Variants in SPOCK3 observed in about 807,000 individuals in gnomAD.
The protein encoded by SPOCK3 is testican-3.
SPOCK3 carries 30 observed loss-of-function variants against 56.6 expected under a neutral mutation model. That is an observed-to-expected ratio of 0.53 (90% CI 0.40 to 0.72). The LOEUF is 0.72. Among genes scored for constraint, SPOCK3 ranks in the 30% least tolerant of loss-of-function variants. The pLI is 0.00. For missense variants in SPOCK3, 527 were observed against 530.0 expected, an observed-to-expected ratio of 0.99 and a Z score of 0.06; for synonymous variants, 196 against 183.3, an observed-to-expected ratio of 1.07 and a Z score of -0.56.
chr4:166,903,511 C>T (rs894706993), intron 5 of SPOCK3, among the ~76,000 whole-genome samples: 4 of 151,930 alleles, frequency 2.6e-5, no homozygotes, highest in African/African-American at 7.2e-5. Flanking sequence ...AAATATTTCC[C>T]GCTTTCTTTT....
At chr4:167,076,461 T>C (rs1420586391) in intron 2 of SPOCK3, among the ~76,000 whole-genome samples, 2 of 151,102 alleles carry the variant, frequency 1.3e-5, no homozygotes, top group African/African-American at 2.4e-5. Flanking sequence ...AAAACTGTTC[T>C]AAAAAAAAGA....
intron 2 of SPOCK3, among the ~76,000 whole-genome samples, chr4:167,208,917 C>G (rs1734603391): frequency 6.6e-6 from 1 of 152,050 alleles, no homozygotes; most frequent in Non-Finnish European, 1.5e-5. Flanking sequence ...TGTTTGCAAT[C>G]ACTCTTTTCA....
intron 4 of SPOCK3, among the ~76,000 whole-genome samples, chr4:166,920,933 G>A (rs561828189): frequency 6.0e-4 from 92 of 152,226 alleles, no homozygotes; most frequent in African/African-American, 1.9e-3. Flanking sequence ...TAAGTAAACC[G>A]TCATTAAGGA....
chr4:166,775,473 T>G (rs1479395988), intron 7 of SPOCK3, among the ~76,000 whole-genome samples: 2 of 152,116 alleles, frequency 1.3e-5, no homozygotes, highest in Admixed American at 1.3e-4. Context: ...AAGTTTGAAA[T>G]GCCTGTTGAA....
intron 3 of SPOCK3, among the ~76,000 whole-genome samples, chr4:167,007,623 G>A (rs1478431219): frequency 6.6e-6 from 1 of 152,048 alleles, no homozygotes; most frequent in East Asian, 1.9e-4. Flanking sequence ...ATAAAACAAG[G>A]TCATTGCCCT....
chr4:167,015,638 G>C (rs1035350100), intron 3 of SPOCK3, among the ~76,000 whole-genome samples: 2 of 151,968 alleles, frequency 1.3e-5, no homozygotes, highest in African/African-American at 4.8e-5. Flanking sequence ...AATTAATATC[G>C]CTGCTTACAA....
intron 4 of SPOCK3, among the ~76,000 whole-genome samples, chr4:166,929,518 C>G (rs1328094789): frequency 6.6e-6 from 1 of 150,872 alleles, no homozygotes; most frequent in Non-Finnish European, 1.5e-5. Flanking sequence ...GGGGGATTAA[C>G]TCCAAAGAGC....
At chr4:166,821,977 A>G (rs931974325) in intron 6 of SPOCK3, among the ~76,000 whole-genome samples, 4 of 152,226 alleles carry the variant, frequency 2.6e-5, no homozygotes, top group African/African-American at 9.6e-5. Context: ...TGAAAAAAAT[A>G]TACAAATGAT....
rs184164892 is a variant in SPOCK3 at position 167,094,228 on chromosome 4, G to A, written c.190-31691C>T. On this transcript the variant is annotated intron_variant, in intron 2 of 10. Coordinates refer to ENST00000357545, the MANE Select transcript of SPOCK3 (RefSeq NM_001040159.2). ...AAGAAGACAGAGGACTATCAGCTGAGGTACTGCATGAGCAAAAATGTAAAA... is the reference window on the plus strand; with the variant it reads ...AAGAAGACAGAGGACTATCAGCTGAAGTACTGCATGAGCAAAAATGTAAAA... 2.2e-3 allele frequency among the ~76,000 whole-genome samples: 341 copies of A among 151,980 alleles called. 2 individuals are homozygous for A. The highest frequency in any genetic ancestry group is 7.7e-3 in the African/African-American group (321 of 41,504).
rs181635603 is a variant in SPOCK3, at chr4:167,166,509, G to A, written c.189+67476C>T. ...CAGGAAAATGTTGAATTTCTTACTA[G>A]ACTGTCAAGAGTTCGTGTGCTCTTG... is the stretch of plus-strand genomic sequence containing the variant. On this transcript the variant is annotated intron_variant, in intron 2 of 10. Coordinates refer to ENST00000357545, the MANE Select transcript of SPOCK3 (RefSeq NM_001040159.2). 2.1e-4 allele frequency among the ~76,000 whole-genome samples: 32 copies of A among 152,128 alleles called. 1 individual carries two copies. Among genetic ancestry groups the A allele is most frequent in the African/African-American group, 5.1e-4 (21 of 41,530 alleles).
intron 3 of SPOCK3, among the ~76,000 whole-genome samples, chr4:167,034,809 T>C (rs1047837139): frequency 6.6e-6 from 1 of 152,182 alleles, no homozygotes; most frequent in African/African-American, 2.4e-5. Context: ...TCAACAATAA[T>C]GTACTGTTCA....
chr4:167,122,301 G>A (rs900857407), intron 2 of SPOCK3, among the ~76,000 whole-genome samples: 1 of 152,000 alleles, frequency 6.6e-6, no homozygotes, highest in Non-Finnish European at 1.5e-5. Context: ...GGACAGGCGT[G>A]AGCCACCATG....
intron 2 of SPOCK3, among the ~76,000 whole-genome samples, chr4:167,151,442 T>G (rs1580446674): frequency 6.7e-6 from 1 of 149,358 alleles, no homozygotes; most frequent in Admixed American, 6.6e-5. Flanking sequence ...TTTCTTTTTT[T>G]TTTTTTTTTT....
chr4:166,947,669 C>T (rs1030375041), intron 4 of SPOCK3, among the ~76,000 whole-genome samples: 1 of 152,064 alleles, frequency 6.6e-6, no homozygotes, highest in Non-Finnish European at 1.5e-5. Context: ...AGTTTTGTTG[C>T]TTAAAGATTG....
chr4:166,781,373 ATTGT>A (rs1270751032), intron 7 of SPOCK3, among the ~76,000 whole-genome samples: 2 of 152,026 alleles, frequency 1.3e-5, no homozygotes, highest in Non-Finnish European at 1.5e-5. Context: ...AACAAATACA[ATTGT>A]TTGGGAGGAG....
At chr4:166,991,673 T>C (rs1747807321) in intron 4 of SPOCK3, among the ~76,000 whole-genome samples, 1 of 151,966 alleles carries the variant, frequency 6.6e-6, no homozygotes, top group African/African-American at 2.4e-5. Context: ...GCCCAGTCCA[T>C]ACCAATTTTA....
At chr4:167,030,947 C>G (rs961528374) in intron 3 of SPOCK3, among the ~76,000 whole-genome samples, 1 of 152,022 alleles carries the variant, frequency 6.6e-6, no homozygotes, top group Non-Finnish European at 1.5e-5. Context: ...CTCCATTTCC[C>G]GTCTGTGAGA....
chr4:166,747,038 C>T (rs1371494472), intron 8 of SPOCK3, among the ~76,000 whole-genome samples: 2 of 152,038 alleles, frequency 1.3e-5, no homozygotes, highest in East Asian at 3.9e-4. Flanking sequence ...GATTCACAGC[C>T]AAATTCTACC....
intron 2 of SPOCK3, among the ~76,000 whole-genome samples, chr4:167,098,876 C>A (rs971096816): frequency 7.3e-5 from 11 of 151,682 alleles, no homozygotes; most frequent in African/African-American, 2.7e-4. Flanking sequence ...GAAACTATGC[C>A]TTTTTTTTCA....
Sources: gnomAD v4.1 joint callset for allele counts (sites outside exome capture counted in the v4.1 genomes callset) on GRCh38, gnomAD v4.1.1 for gene constraint, MANE v1.5 for transcripts, NCBI Gene and HGNC (gene_info 2026-07-23, HGNC 2026-07-21) for gene names.